Variants in TTN observed in about 807,000 individuals in gnomAD.
The protein encoded by TTN is connectin.
A neutral mutation model predicts 3,223.0 loss-of-function variants in TTN; 1,525 were observed. The ratio of observed to expected loss-of-function variants is 0.47; its 90% CI spans 0.45 to 0.49. The LOEUF (loss-of-function observed/expected upper bound fraction) is 0.49, where lower values mean the gene tolerates loss of function less well. Among genes scored for constraint, TTN ranks in the 20% least tolerant of loss-of-function variants. The pLI is 0.00. For synonymous variants in TTN, 14,094 were observed against 15,161.0 expected, an observed-to-expected ratio of 0.93 and a Z score of 5.17; for missense variants, 40,786 against 43,424.0, an observed-to-expected ratio of 0.94 and a Z score of 5.40.
Position 178,689,506 on chromosome 2 carries a change from A to T in TTN, c.31927+9T>A. 6.2e-7 allele frequency: 1 copy of T among 1,608,208 alleles called. No homozygotes were observed. Among genetic ancestry groups the T allele is most frequent in the South Asian group, 1.1e-5 (1 of 90,076 alleles). On this transcript the variant is annotated intron_variant, in intron 123 of 362. Coordinates refer to ENST00000589042, the MANE Select transcript of TTN (RefSeq NM_001267550.2). ...GACAAGGTTATTTCATGGAGATGGG[A>T]TTAAGTACCTGCTGGTGGTGGAGAT...
rs1029197818 is a variant in TTN, at chr2:178,756,517, T to C, written c.10959A>G (p.Lys3653=). ...ESTELSKECA[K]ESTGEAPKIF... ...TCTTGGGCGCCTCACCCGTGGACTCTTTAGCACATTCCTTAGATAGCTCAG... is the reference window on the plus strand; with the variant it reads ...TCTTGGGCGCCTCACCCGTGGACTCCTTAGCACATTCCTTAGATAGCTCAG... The change falls in exon 46 of 363, where the codon AAA becomes AAG. Residue 3653 remains lysine (K), a synonymous_variant. Transcript: ENST00000589042. The C allele has an allele frequency of 1.9e-6, 3 of 1,613,504 alleles. No homozygotes were observed. The African/African-American group carries it at 4.0e-5, about 22-fold the overall frequency.
At chr2:178,685,493 A>G (rs2070618195) in intron 128 of TTN, 25 bp downstream of exon 128, 1 of 1,599,216 alleles carries the variant, frequency 6.3e-7, no homozygotes. Flanking sequence ...ACATAGGGAT[A>G]AAACTAATTA....
intron 351 of TTN, 38 bp from the exon 352 acceptor site, chr2:178,540,004 G>C (rs772760297): frequency 6.2e-7 from 1 of 1,604,808 alleles, no homozygotes; most frequent in Admixed American, 1.7e-5. Context: ...AGCATTTGGG[G>C]TAGGGGGACT....
In TTN at chr2:178,651,648, A is replaced by C. The variant is rs550378650; in HGVS notation, c.39463+18T>G. 1.6e-5 allele frequency: 26 copies of C among 1,612,998 alleles called. No homozygotes were observed. The highest frequency in any genetic ancestry group is 1.3e-4 in the Admixed American group (8 of 59,870). On this transcript the variant is annotated intron_variant, in intron 206 of 362. Transcript: ENST00000589042. ...AAAGAAAGTTTTTTGTTAGGGAGTT[A>C]GTGGCAGTGAGGAATACCTTTCACT...
chr2:178,565,936 A>G lies in TTN; in HGVS notation c.80196T>C (p.Asn26732=). 6.2e-7 allele frequency: 1 copy of G among 1,613,652 alleles called. No homozygotes were observed. The highest frequency in any genetic ancestry group is 1.1e-5 in the South Asian group (1 of 91,086). The part of the protein sequence containing the change: ...KRESTRKAYA[N]VSSKCSKTSF... ...TTGTTTTGCTGCATTTACTACTCAC[A>G]TTAGCATACGCTTTTCTGGTTGACT... Residue 26732 remains asparagine (N), a synonymous_variant, in exon 326 of 363, where the codon AAT becomes AAC. Coordinates refer to ENST00000589042, the MANE Select transcript of TTN (RefSeq NM_001267550.2).
rs2060262446 is a variant in TTN at position 178,635,045 on chromosome 2, A to T, written c.42024+120T>A. The T allele has an allele frequency of 7.0e-6, 10 of 1,433,696 alleles. No individual in the cohort carries two copies. The South Asian group carries it at 1.1e-4, about 15-fold the overall frequency. The allele number at this position is 1,433,696 out of a possible 1,614,324, so 88.8% of individuals were successfully genotyped here. Reference sequence around the variant, plus strand: ...CGTAAAATTTCTTTCCTTCTTGGAGACTTTAGAAGACTCCATTAACTCCAT... The same window carrying T: ...CGTAAAATTTCTTTCCTTCTTGGAGTCTTTAGAAGACTCCATTAACTCCAT... On this transcript the variant is annotated intron_variant, in intron 228 of 362. Transcript: ENST00000589042.
Position 178,571,622 on chromosome 2 carries a change from CCAT to C in TTN, c.74507_74509del (p.Asp24836del). 1 of 1,613,268 alleles carries C rather than the reference CCAT, an allele frequency of 6.2e-7. No homozygotes were observed. Among genetic ancestry groups the C allele is most frequent in the Non-Finnish European group, 8.5e-7 (1 of 1,179,562 alleles). On this transcript the variant is annotated inframe_deletion, in exon 326 of 363. Coordinates refer to ENST00000589042, the MANE Select transcript of TTN (RefSeq NM_001267550.2). ...AATGTAATTATTGATAGAACTTCCA[CCAT>C]CATACTTGGGTGGGCCCCAGGAAAG... is the stretch of plus-strand genomic sequence containing the variant.
intron 13 of TTN, 110 bp from the exon 14 acceptor site, chr2:178,786,251 C>T (rs1280573400): frequency 3.0e-5 from 35 of 1,156,970 alleles, no homozygotes; most frequent in African/African-American, 4.6e-5. Context: ...GCAGTGTTAA[C>T]GTGTCTAGAA....
Position 178,557,935 on chromosome 2 carries a change from G to A in TTN, c.87419C>T (p.Pro29140Leu), listed in dbSNP as rs1483374179. Residue 29140 changes from proline (P) to leucine (L), a missense_variant, in exon 328 of 363, where the codon CCT becomes CTT. By Grantham distance (98) the Pro-to-Leu change is moderately conservative (BLOSUM62 -3). Transcript: ENST00000589042. Reference sequence around the variant, plus strand: ...ACTAATAACAACAGGGCCAGTTGGAGGACCAGGCCTGTCTAGCACAACAAT... The same window carrying A: ...ACTAATAACAACAGGGCCAGTTGGAAGACCAGGCCTGTCTAGCACAACAAT... ...INIVVLDRPG[P>L]PTGPVVISDI... 1 of 1,613,150 alleles carries A rather than the reference G, an allele frequency of 6.2e-7. No individual in the cohort carries two copies. Among genetic ancestry groups the A allele is most frequent in the East Asian group, 2.2e-5 (1 of 44,874 alleles).
In TTN at chr2:178,615,709, G is replaced by C; in HGVS notation, c.48392C>G (p.Ala16131Gly). The C allele has an allele frequency of 6.2e-7, 1 of 1,612,402 alleles. No homozygotes were observed. Among genetic ancestry groups the C allele is most frequent in the South Asian group, 1.1e-5 (1 of 91,014 alleles). ...QGKEYLFKVC[A>G]RNKCGPGEPA... Reference sequence around the variant, plus strand: ...TTCTCCAGGGCCACATTTGTTACGAGCACAAACTTTAAATAAGTACTCTTT... The same window carrying C: ...TTCTCCAGGGCCACATTTGTTACGACCACAAACTTTAAATAAGTACTCTTT... Residue 16131 changes from alanine (A) to glycine (G), a missense_variant, in exon 258 of 363, where the codon GCT (alanine) becomes GGT (glycine). Coordinates refer to ENST00000589042, the MANE Select transcript of TTN (RefSeq NM_001267550.2).
intron 92 of TTN, among the ~76,000 whole-genome samples, 183 bp from the exon 93 acceptor site, chr2:178,713,555 G>A (rs1156242582): frequency 6.6e-6 from 1 of 152,102 alleles, no homozygotes; most frequent in Non-Finnish European, 1.5e-5. Flanking sequence ...GAGAATCAGT[G>A]GGCAGAATGT....
chr2:178,740,871 T>A lies in TTN; in HGVS notation c.12362A>T (p.Asp4121Val), dbSNP rs2082366616. The A allele has an allele frequency of 6.2e-7, 1 of 1,613,814 alleles. No homozygotes were observed. The highest frequency in any genetic ancestry group is 1.7e-5 in the Admixed American group (1 of 59,994). Reference protein sequence around the residue: ...AQELQSILEQDKLTPESTREF... With the variant: ...AQELQSILEQVKLTPESTREF... Reference sequence around the variant, plus strand: ...CCTGGTGCTTTCAGGAGTGAGCTTGTCTTGCTCCAAAATGGATTGCAATTC... The same window carrying A: ...CCTGGTGCTTTCAGGAGTGAGCTTGACTTGCTCCAAAATGGATTGCAATTC... Residue 4121 changes from aspartate (D) to valine (V), a missense_variant, in exon 48 of 363, where the codon GAC becomes GTC. Coordinates refer to ENST00000589042, the MANE Select transcript of TTN (RefSeq NM_001267550.2).
At position 178,675,594 on chromosome 2, in the gene TTN, T is replaced by C. The variant is rs954451510; in HGVS notation, c.34537+77A>G. On this transcript the variant is annotated intron_variant, in intron 149 of 362. Transcript: ENST00000589042. ...ACAGACCATACAATGCACACATTTATGTTGAGTGTCCTGTGTGGATAGAAC... is the reference window on the plus strand; with the variant it reads ...ACAGACCATACAATGCACACATTTACGTTGAGTGTCCTGTGTGGATAGAAC... The C allele has an allele frequency of 2.7e-6, 3 of 1,115,420 alleles. No homozygotes were observed. The African/African-American group carries it at 4.8e-5, about 18-fold the overall frequency. The allele number at this position is 1,115,420 out of a possible 1,614,324, so 69.1% of individuals were successfully genotyped here.
At chr2:178,689,408 A>G (rs1473306896) in intron 123 of TTN, 35 bp from the exon 124 acceptor site, 1 of 1,611,314 alleles carries the variant, frequency 6.2e-7, no homozygotes, top group Non-Finnish European at 8.5e-7. Context: ...AAATTTGTCA[A>G]AAAGGCCAAA....
chr2:178,792,747 T>C (rs765601370), intron 9 of TTN, among the ~76,000 whole-genome samples: 1 of 152,228 alleles, frequency 6.6e-6, no homozygotes, highest in Non-Finnish European at 1.5e-5. Flanking sequence ...TTTGCCTCTT[T>C]GCCATTCTCA....
At position 178,564,833 on chromosome 2, in the gene TTN, C is replaced by T. The variant is rs1455429334; in HGVS notation, c.81299G>A (p.Gly27100Glu). The T allele has an allele frequency of 1.2e-6, 2 of 1,613,182 alleles. No homozygotes were observed. The highest frequency in any genetic ancestry group is 4.5e-5 in the East Asian group (2 of 44,714). ...ATGGTAGCCAATAATTTTGGTGCCTCCATCATTCACTGGCTCATGCCATTG... is the reference window on the plus strand; with the variant it reads ...ATGGTAGCCAATAATTTTGGTGCCTTCATCATTCACTGGCTCATGCCATTG... ...LVQWHEPVND[G>E]GTKIIGYHLE... The change falls in exon 326 of 363, where the codon GGA (glycine) becomes GAA (glutamate). Residue 27100 changes from glycine to glutamate, a missense_variant. Gly to Glu is a moderately conservative substitution (Grantham distance 98). Transcript: ENST00000589042.
rs376754004 is a variant in TTN, at chr2:178,689,818, G to T, written c.31841C>A (p.Ala10614Asp). 37 of 1,609,200 alleles carry T rather than the reference G, an allele frequency of 2.3e-5. No individual in the cohort carries two copies. The Middle Eastern group carries it at 5.0e-4, about 22-fold the overall frequency. ...PVAKKKEAPPAKVPEVQKGVV... is the reference protein window; with the variant it reads ...PVAKKKEAPPDKVPEVQKGVV... ...TACGTCGAAAGCCACTGTACCTTTA[G>T]CTGGGGGAGCTTCCTTTTTCTTTGC... The change falls in exon 122 of 363, where the codon GCT becomes GAT. Residue 10614 changes from alanine to aspartate, a missense_variant. By Grantham distance (126) the Ala-to-Asp change is moderately radical. Transcript: ENST00000589042.
chr2:178,575,424 C>T lies in TTN; in HGVS notation c.70708G>A (p.Glu23570Lys). 6.2e-7 allele frequency: 1 copy of T among 1,613,600 alleles called. No homozygotes were observed. Among genetic ancestry groups the T allele is most frequent in the Non-Finnish European group, 8.5e-7 (1 of 1,179,638 alleles). ...TGGTCAGAGCCTTTTCTTTGGGCTT[C>T]AATCACATAGCCAGTGATCTTGCTG... ...GGSKITGYVIEAQRKGSDQWT... is the reference protein window; with the variant it reads ...GGSKITGYVIKAQRKGSDQWT... The change falls in exon 326 of 363, where the codon GAA becomes AAA. Residue 23570 changes from glutamate (E) to lysine (K), a missense_variant. Coordinates refer to ENST00000589042, the MANE Select transcript of TTN (RefSeq NM_001267550.2). This position sits in a 1 kb window ranked among gnomAD's most constrained non-coding sequence, Gnocchi z 4.0.
intron 306 of TTN, 31 bp downstream of exon 306, chr2:178,587,485 A>C: frequency 6.2e-7 from 1 of 1,602,538 alleles, no homozygotes; most frequent in East Asian, 2.3e-5. Flanking sequence ...TCATTTTTGA[A>C]GTGGGAGGGA....
Sources: allele counts gnomAD v4.1 joint callset (sites outside exome capture counted in the v4.1 genomes callset), GRCh38; gene constraint gnomAD v4.1.1; non-coding constraint Gnocchi (gnomAD v3.1); transcripts MANE v1.5; gene names NCBI Gene and HGNC (gene_info 2026-07-23, HGNC 2026-07-21).